OR51G1: variants seen among roughly 807,000 people sequenced by gnomAD.
OR51G1 encodes the protein olfactory receptor 51G1.
For missense variants in OR51G1, 454 were observed against 396.0 expected, an observed-to-expected ratio of 1.15 and a Z score of -1.24; for synonymous variants, 163 against 156.9, an observed-to-expected ratio of 1.04 and a Z score of -0.29.
At position 4,924,224 on chromosome 11, in the gene OR51G1, G is replaced by A. The variant is rs766976828; in HGVS notation, c.116C>T (p.Thr39Ile). Reference sequence around the variant, plus strand: ...AATGGTGAGGTTCCCCAAGATAACTGTCAGGTAGATGAAGCAGAAGGGAAT... The same window carrying A: ...AATGGTGAGGTTCCCCAAGATAACTATCAGGTAGATGAAGCAGAAGGGAAT... ...ISIPFCFIYL[T>I]VILGNLTILH... is the part of the protein sequence containing the mutation. Residue 39 changes from threonine to isoleucine, a missense_variant, in exon 1 of 1, where the codon ACA becomes ATA. Physicochemically the swap from Thr to Ile is moderately conservative, Grantham distance 89 (BLOSUM62 -1). Coordinates refer to ENST00000623849, the MANE Select transcript of OR51G1 (RefSeq NM_001005237.1). 62 of 1,614,080 alleles carry A rather than the reference G, an allele frequency of 3.8e-5. No homozygotes were observed. The highest frequency in any genetic ancestry group is 8.5e-7 in the Non-Finnish European group (1 of 1,180,048).
chr11:4,924,103 T>G lies in OR51G1; in HGVS notation c.237A>C (p.Thr79=). The part of the protein sequence containing the change: ...AVTDLGLCLS[T]LPTVLGIFWF... Reference sequence around the variant, plus strand: ...AGAAAATGCCCAGCACAGTGGGCAGTGTGGAAAGGCAAAGGCCTAAGTCTG... The same window carrying G: ...AGAAAATGCCCAGCACAGTGGGCAGGGTGGAAAGGCAAAGGCCTAAGTCTG... Residue 79 remains threonine (T), a synonymous_variant, in exon 1 of 1, where the codon ACA becomes ACC. Coordinates refer to ENST00000623849, the MANE Select transcript of OR51G1 (RefSeq NM_001005237.1). The G allele has an allele frequency of 6.2e-7, 1 of 1,614,022 alleles. No individual in the cohort carries two copies. The highest frequency in any genetic ancestry group is 2.2e-5 in the East Asian group (1 of 44,838).
In OR51G1 at chr11:4,923,422, A is replaced by G. The variant is rs1191121784; in HGVS notation, c.918T>C (p.Ile306=). 4 of 1,589,682 alleles carry G rather than the reference A, an allele frequency of 2.5e-6. No homozygotes were observed. The South Asian group carries it at 3.5e-5, about 14-fold the overall frequency. ...GTGACTTTATAAACTGAAACTTCTT[A>G]ATGATGCGCTGGCGAATTTGCTTGG... ...IKTKQIRQRI[I]KKFQFIKSLR... Residue 306 remains isoleucine (I), a synonymous_variant, in exon 1 of 1, where the codon ATT becomes ATC. Transcript: ENST00000623849.
In OR51G1 at chr11:4,924,208, G is replaced by A. The variant is rs776737867; in HGVS notation, c.132C>T (p.Asn44=). ...TACAAATGACGTGGAGAATGGTGAG[G>A]TTCCCCAAGATAACTGTCAGGTAGA... ...CFIYLTVILG[N]LTILHVICTD... is the part of the protein sequence containing the mutation. Residue 44 remains asparagine (N), a synonymous_variant, in exon 1 of 1, where the codon AAC becomes AAT. Coordinates refer to ENST00000623849, the MANE Select transcript of OR51G1 (RefSeq NM_001005237.1). The A allele has an allele frequency of 1.5e-5, 25 of 1,614,172 alleles. No homozygotes were observed. Among genetic ancestry groups the A allele is most frequent in the Non-Finnish European group, 2.0e-5 (24 of 1,180,030 alleles).
chr11:4,923,994 C>A lies in OR51G1; in HGVS notation c.346G>T (p.Val116Phe). 6.2e-7 allele frequency: 1 copy of A among 1,614,156 alleles called. No homozygotes were observed. Among genetic ancestry groups the A allele is most frequent in the Non-Finnish European group, 8.5e-7 (1 of 1,180,034 alleles). Reference protein sequence around the residue: ...IHTLSSMESSVLLSMSIDRYV... With the variant: ...IHTLSSMESSFLLSMSIDRYV... Reference sequence around the variant, plus strand: ...CGGTCAATGGACATGGATAACAGAACTGATGACTCCATTGAAGACAAGGTG... The same window carrying A: ...CGGTCAATGGACATGGATAACAGAAATGATGACTCCATTGAAGACAAGGTG... The change falls in exon 1 of 1, where the codon GTT (valine) becomes TTT (phenylalanine). Residue 116 changes from valine to phenylalanine, a missense_variant. Coordinates refer to ENST00000623849, the MANE Select transcript of OR51G1 (RefSeq NM_001005237.1).
At position 4,923,774 on chromosome 11, in the gene OR51G1, A is replaced by G; in HGVS notation, c.566T>C (p.Leu189Pro). 1 of 1,614,132 alleles carries G rather than the reference A, an allele frequency of 6.2e-7. No individual in the cohort carries two copies. Among genetic ancestry groups the G allele is most frequent in the Non-Finnish European group, 8.5e-7 (1 of 1,180,032 alleles). The change falls in exon 1 of 1, where the codon CTG becomes CCG. Residue 189 changes from leucine to proline, a missense_variant. Coordinates refer to ENST00000623849, the MANE Select transcript of OR51G1 (RefSeq NM_001005237.1). ...ATTGACAATGATGCTAGAGCAGGCC[A>G]GCTTCATGATCTCCAGGTGAAGACA... is the stretch of plus-strand genomic sequence containing the variant. ...AYCLHLEIMK[L>P]ACSSIIVNHI...
At position 4,923,891 on chromosome 11, in the gene OR51G1, G is replaced by A. The variant is rs1180704844; in HGVS notation, c.449C>T (p.Ser150Leu). Residue 150 changes from serine to leucine, a missense_variant, in exon 1 of 1, where the codon TCA (serine) becomes TTA (leucine). Coordinates refer to ENST00000623849, the MANE Select transcript of OR51G1 (RefSeq NM_001005237.1). ...GATGAGGAGAGCACTTCTAAGCACTGAGCTTAGCCCCATCTTGACAATACA... is the reference window on the plus strand; with the variant it reads ...GATGAGGAGAGCACTTCTAAGCACTAAGCTTAGCCCCATCTTGACAATACA... ...PACIVKMGLSSVLRSALLILP... is the reference protein window; with the variant it reads ...PACIVKMGLSLVLRSALLILP... 4 of 1,613,994 alleles carry A rather than the reference G, an allele frequency of 2.5e-6. No homozygotes were observed. The highest frequency in any genetic ancestry group is 3.3e-5 in the Admixed American group (2 of 60,006).
chr11:4,923,752 G>C lies in OR51G1; in HGVS notation c.588C>G (p.Val196=). ...CAACAAAGAGCCCATAGATGTGATT[G>C]ACAATGATGCTAGAGCAGGCCAGCT... ...IMKLACSSII[V]NHIYGLFVVA... is the part of the protein sequence containing the mutation. Residue 196 remains valine, a synonymous_variant, in exon 1 of 1, where the codon GTC becomes GTG. Coordinates refer to ENST00000623849, the MANE Select transcript of OR51G1 (RefSeq NM_001005237.1). 6.2e-7 allele frequency: 1 copy of C among 1,614,064 alleles called. No individual in the cohort carries two copies. The highest frequency in any genetic ancestry group is 8.5e-7 in the Non-Finnish European group (1 of 1,180,018).
In OR51G1 at chr11:4,924,312, G is replaced by A; in HGVS notation, c.28C>T (p.Gln10Ter). 1 of 1,611,326 alleles carries A rather than the reference G, an allele frequency of 6.2e-7. No individual in the cohort carries two copies. Among genetic ancestry groups the A allele is most frequent in the Non-Finnish European group, 8.5e-7 (1 of 1,178,970 alleles). MTILLNSSL[Q>*]RATFFLTGFQ... ...CCCGTCAGGAAGAAAGTGGCTCTTT[G>A]GAGGCTGCTATTAAGAAGAATTGTC... is the stretch of plus-strand genomic sequence containing the variant. The change falls in exon 1 of 1, where the codon CAA (glutamine) becomes TAA (stop). Residue 10 changes from glutamine to a stop codon, truncating the protein, a stop_gained. Transcript: ENST00000623849. LOFTEE classifies it low-confidence loss of function (END_TRUNC).
chr11:4,923,707 C>T lies in OR51G1; in HGVS notation c.633G>A (p.Val211=), dbSNP rs770785938. 7 of 1,613,988 alleles carry T rather than the reference C, an allele frequency of 4.3e-6. No homozygotes were observed. In the South Asian group the frequency reaches 7.7e-5, roughly 18 times the overall value. The change falls in exon 1 of 1, where the codon GTG becomes GTA. Residue 211 remains valine, a synonymous_variant. Coordinates refer to ENST00000623849, the MANE Select transcript of OR51G1 (RefSeq NM_001005237.1). The part of the protein sequence containing the change: ...GLFVVACTVG[V]DSLLIFLSYA... ...ATGAGAGAAAGATGAGCAGGGAGTC[C>T]ACACCCACGGTGCAGGCCACAACAA...
rs773967369 is a variant in OR51G1 at position 4,923,916 on chromosome 11, A to G, written c.424T>C (p.Cys142Arg). 9.9e-6 allele frequency: 16 copies of G among 1,614,044 alleles called. No individual in the cohort carries two copies. The highest frequency in any genetic ancestry group is 5.3e-5 in the African/African-American group (4 of 74,944). ...GAGCTTAGCCCCATCTTGACAATAC[A>G]TGCAGGTGTCAGGACGGTGGAGTCA... ...LHDSTVLTPACIVKMGLSSVL... is the reference protein window; with the variant it reads ...LHDSTVLTPARIVKMGLSSVL... Residue 142 changes from cysteine (C) to arginine (R), a missense_variant, in exon 1 of 1, where the codon TGT becomes CGT. By Grantham distance (180) the Cys-to-Arg change is radical. Coordinates refer to ENST00000623849, the MANE Select transcript of OR51G1 (RefSeq NM_001005237.1).
At position 4,923,392 on chromosome 11, in the gene OR51G1, C is replaced by G. The variant is rs748632000; in HGVS notation, c.948G>C (p.Arg316Ser). 8.3e-6 allele frequency: 13 copies of G among 1,560,440 alleles called. No individual in the cohort carries two copies. The highest frequency in any genetic ancestry group is 1.1e-5 in the Non-Finnish European group (13 of 1,153,686). The change falls in exon 1 of 1, where the codon AGG (arginine) becomes AGC (serine). Residue 316 changes from arginine to serine, a missense_variant. Physicochemically the swap from Arg to Ser is moderately radical, Grantham distance 110. Coordinates refer to ENST00000623849, the MANE Select transcript of OR51G1 (RefSeq NM_001005237.1). ...IKKFQFIKSL[R>S]CFWKD Reference sequence around the variant, plus strand: ...CTCTAACTTAATCCTTCCAAAAACACCTAAGTGACTTTATAAACTGAAACT... The same window carrying G: ...CTCTAACTTAATCCTTCCAAAAACAGCTAAGTGACTTTATAAACTGAAACT...
chr11:4,924,083 A>G lies in OR51G1; in HGVS notation c.257T>C (p.Ile86Thr). The change falls in exon 1 of 1, where the codon ATT (isoleucine) becomes ACT (threonine). Residue 86 changes from isoleucine to threonine, a missense_variant. Transcript: ENST00000623849. ...AATCTCTCTGGTATCAAACCAGAAA[A>G]TGCCCAGCACAGTGGGCAGTGTGGA... Reference protein sequence around the residue: ...CLSTLPTVLGIFWFDTREIGI... With the variant: ...CLSTLPTVLGTFWFDTREIGI... 1 of 1,614,134 alleles carries G rather than the reference A, an allele frequency of 6.2e-7. No homozygotes were observed. Among genetic ancestry groups the G allele is most frequent in the Non-Finnish European group, 8.5e-7 (1 of 1,180,012 alleles).
In OR51G1 at chr11:4,924,294, G is replaced by C; in HGVS notation, c.46C>G (p.Leu16Val). The part of the protein sequence containing the change: ...NSSLQRATFF[L>V]TGFQGLEGLH... ...CCTTCTAGACCTTGGAAGCCCGTCAGGAAGAAAGTGGCTCTTTGGAGGCTG... is the reference window on the plus strand; with the variant it reads ...CCTTCTAGACCTTGGAAGCCCGTCACGAAGAAAGTGGCTCTTTGGAGGCTG... Residue 16 changes from leucine to valine, a missense_variant, in exon 1 of 1, where the codon CTG becomes GTG. Coordinates refer to ENST00000623849, the MANE Select transcript of OR51G1 (RefSeq NM_001005237.1). 1 of 1,613,174 alleles carries C rather than the reference G, an allele frequency of 6.2e-7. No individual in the cohort carries two copies. The highest frequency in any genetic ancestry group is 8.5e-7 in the Non-Finnish European group (1 of 1,179,672).
In OR51G1 at chr11:4,923,695, G is replaced by A. The variant is rs1851220806; in HGVS notation, c.645C>T (p.Leu215=). The change falls in exon 1 of 1, where the codon CTC becomes CTT. Residue 215 remains leucine, a synonymous_variant. Transcript: ENST00000623849. ...GGATGAGGGCGTATGAGAGAAAGAT[G>A]AGCAGGGAGTCCACACCCACGGTGC... ...VACTVGVDSL[L]IFLSYALILR... 6.2e-7 allele frequency: 1 copy of A among 1,613,936 alleles called. No individual in the cohort carries two copies. The highest frequency in any genetic ancestry group is 1.3e-5 in the African/African-American group (1 of 74,890).
Position 4,923,831 on chromosome 11 carries a change from T to A in OR51G1, c.509A>T (p.Tyr170Phe). Residue 170 changes from tyrosine to phenylalanine, a missense_variant, in exon 1 of 1, where the codon TAC becomes TTC. Transcript: ENST00000623849. ...PLPFLLKRFQ[Y>F]CHSHVLAHAY... ...ATGAGCCAGCACATGGGAGTGGCAG[T>A]ATTGGAAGCGCTTCAGGAGGAATGG... is the stretch of plus-strand genomic sequence containing the variant. 6.2e-7 allele frequency: 1 copy of A among 1,613,680 alleles called. No individual in the cohort carries two copies. The highest frequency in any genetic ancestry group is 2.2e-5 in the East Asian group (1 of 44,824).
rs755218719 is a variant in OR51G1 at position 4,923,680 on chromosome 11, G to A, written c.660C>T (p.Tyr220=). The A allele has an allele frequency of 1.7e-5, 27 of 1,613,850 alleles. No individual in the cohort carries two copies. Among genetic ancestry groups the A allele is most frequent in the East Asian group, 6.7e-5 (3 of 44,872 alleles). ...TGAGCACGGTGCGAAGGATGAGGGC[G>A]TATGAGAGAAAGATGAGCAGGGAGT... is the stretch of plus-strand genomic sequence containing the variant. The part of the protein sequence containing the change: ...GVDSLLIFLS[Y]ALILRTVLSI... The change falls in exon 1 of 1, where the codon TAC becomes TAT. Residue 220 remains tyrosine (Y), a synonymous_variant. Coordinates refer to ENST00000623849, the MANE Select transcript of OR51G1 (RefSeq NM_001005237.1).
Position 4,923,501 on chromosome 11 carries a change from T to A in OR51G1, c.839A>T (p.Tyr280Phe), listed in dbSNP as rs751458815. The change falls in exon 1 of 1, where the codon TAT becomes TTT. Residue 280 changes from tyrosine to phenylalanine, a missense_variant. Transcript: ENST00000623849. ...LPRVVHLFMS[Y>F]VYLLVPPLMN... Reference sequence around the variant, plus strand: ...AAGGGGTGGTACCAGCAGATACACATAGGACATGAAGAGGTGTACAACGCG... The same window carrying A: ...AAGGGGTGGTACCAGCAGATACACAAAGGACATGAAGAGGTGTACAACGCG... 1.2e-6 allele frequency: 2 copies of A among 1,614,088 alleles called. No homozygotes were observed. Among genetic ancestry groups the A allele is most frequent in the Non-Finnish European group, 1.7e-6 (2 of 1,180,012 alleles).
rs1342797081 is a variant in OR51G1 at position 4,923,409 on chromosome 11, A to G, written c.931T>C (p.Phe311Leu). The G allele has an allele frequency of 7.0e-6, 11 of 1,575,932 alleles. No individual in the cohort carries two copies. Among genetic ancestry groups the G allele is most frequent in the Non-Finnish European group, 9.5e-6 (11 of 1,161,172 alleles). Reference sequence around the variant, plus strand: ...CAAAAACACCTAAGTGACTTTATAAACTGAAACTTCTTAATGATGCGCTGG... The same window carrying G: ...CAAAAACACCTAAGTGACTTTATAAGCTGAAACTTCTTAATGATGCGCTGG... The part of the protein sequence containing the change: ...IRQRIIKKFQ[F>L]IKSLRCFWKD Residue 311 changes from phenylalanine (F) to leucine (L), a missense_variant, in exon 1 of 1, where the codon TTT (phenylalanine) becomes CTT (leucine). Transcript: ENST00000623849.
rs757634248 is a variant in OR51G1 at position 4,924,223 on chromosome 11, T to C, written c.117A>G (p.Thr39=). 43 of 1,613,950 alleles carry C rather than the reference T, an allele frequency of 2.7e-5. No homozygotes were observed. The highest frequency in any genetic ancestry group is 3.5e-5 in the Non-Finnish European group (41 of 1,180,016). ...ISIPFCFIYL[T]VILGNLTILH... is the part of the protein sequence containing the mutation. ...GAATGGTGAGGTTCCCCAAGATAAC[T>C]GTCAGGTAGATGAAGCAGAAGGGAA... Residue 39 remains threonine, a synonymous_variant, in exon 1 of 1, where the codon ACA becomes ACG. Transcript: ENST00000623849.
Sources: gnomAD v4.1 joint callset for allele counts on GRCh38, gnomAD v4.1.1 for gene constraint, MANE v1.5 for transcripts, NCBI Gene and HGNC (gene_info 2026-07-23, HGNC 2026-07-21) for gene names.